Variants in SARDH observed in about 807,000 individuals in gnomAD.
SARDH encodes the protein sarcosine dehydrogenase.
Under a neutral mutation model 109.1 loss-of-function variants are expected in SARDH, and 95 were observed. That is an observed-to-expected ratio of 0.87 (90% CI 0.74 to 1.03). The LOEUF is 1.03. SARDH is among the 50% of genes least tolerant of loss of function. The pLI is 0.00. For synonymous variants in SARDH, 572 were observed against 534.8 expected (o/e 1.07, Z -0.96); for missense variants, 1,267 against 1,287.8 (o/e 0.98, Z 0.25).
At chr9:133,694,419 G>A in intron 14 of SARDH, 48 bp from the exon 15 acceptor site, 2 of 1,461,442 alleles carry the variant, frequency 1.4e-6, no homozygotes, top group South Asian at 1.2e-5. Context: ...CCCCAGCCGG[G>A]TCTGTGCTGC....
intron 6 of SARDH, chr9:133,725,696 A>C (rs1367473067): frequency 3.7e-6 from 1 of 269,308 alleles, no homozygotes; most frequent in Non-Finnish European, 7.5e-6. Context: ...AAACAAAACA[A>C]ACAAACAAAA....
At chr9:133,722,803 T>C (rs764068741) in intron 6 of SARDH, among the ~76,000 whole-genome samples, 1 of 151,968 alleles carries the variant, frequency 6.6e-6, no homozygotes, top group Non-Finnish European at 1.5e-5. Context: ...GCCTACCGAG[T>C]AGCTGGGACC....
intron 17 of SARDH, among the ~76,000 whole-genome samples, chr9:133,673,429 C>G (rs1359686016): frequency 6.6e-6 from 1 of 152,252 alleles, no homozygotes; most frequent in Non-Finnish European, 1.5e-5. Flanking sequence ...CACCACTGCT[C>G]TGAGTGGAAA....
intron 17 of SARDH, among the ~76,000 whole-genome samples, chr9:133,676,639 A>AAT (rs1338818325): frequency 6.6e-6 from 1 of 152,176 alleles, no homozygotes; most frequent in Admixed American, 6.5e-5. Flanking sequence ...AATGTGAGGG[A>AAT]ATGGCCCTGG....
At chr9:133,708,065 G>A (rs551775288) in intron 11 of SARDH, among the ~76,000 whole-genome samples, 10 of 152,146 alleles carry the variant, frequency 6.6e-5, no homozygotes, top group Non-Finnish European at 1.0e-4. Context: ...AGAAGCCCCC[G>A]GGTGGGAGGG....
intron 8 of SARDH, among the ~76,000 whole-genome samples, chr9:133,716,518 C>G (rs2427980): frequency 6.6e-6 from 1 of 151,696 alleles, no homozygotes; most frequent in South Asian, 2.1e-4. Flanking sequence ...AGCCCCACAC[C>G]CGCCCCCTGG....
At chr9:133,668,301 C>T (rs1830149841) in intron 19 of SARDH, among the ~76,000 whole-genome samples, 1 of 135,018 alleles carries the variant, frequency 7.4e-6, no homozygotes, top group African/African-American at 2.8e-5. Flanking sequence ...CTCCCTCCCT[C>T]TCCCTCCCTC....
intron 1 of SARDH, among the ~76,000 whole-genome samples, chr9:133,736,845 G>A (rs2131526321): frequency 6.6e-6 from 1 of 152,358 alleles, no homozygotes; most frequent in Middle Eastern, 3.4e-3. Flanking sequence ...GATCCAAGAT[G>A]TGAAGTGCTG....
intron 12 of SARDH, chr9:133,703,421 A>G: frequency 3.9e-6 from 1 of 254,334 alleles, no homozygotes; most frequent in Non-Finnish European, 7.9e-6. Context: ...AGCGTCTTAC[A>G]CTCCTACCAG....
intron 17 of SARDH, among the ~76,000 whole-genome samples, chr9:133,675,364 T>C (rs1388497143): frequency 3.0e-5 from 4 of 133,508 alleles, no homozygotes; most frequent in South Asian, 2.3e-4. Context: ...AAAAAAAAAA[T>C]AGGCAAGGGA....
intron 16 of SARDH, among the ~76,000 whole-genome samples, chr9:133,687,258 T>C (rs1830918740): frequency 6.6e-6 from 1 of 152,022 alleles, no homozygotes; most frequent in African/African-American, 2.4e-5. Flanking sequence ...CGCAAGGATA[T>C]TGGTTTTGGT....
chr9:133,734,164 G>C lies in SARDH; in HGVS notation c.10C>G (p.Leu4Val). 2 of 1,592,248 alleles carry C rather than the reference G, an allele frequency of 1.3e-6. No homozygotes were observed. The highest frequency in any genetic ancestry group is 1.7e-6 in the Non-Finnish European group (2 of 1,169,976). MAS[L>V]SRALRVAAAH... ...GCAGCCACACGTAGGGCTCGGCTCAGTGAGGCCATGGGGGCTCCAGGCCTC... is the reference window on the plus strand; with the variant it reads ...GCAGCCACACGTAGGGCTCGGCTCACTGAGGCCATGGGGGCTCCAGGCCTC... Residue 4 changes from leucine (L) to valine (V), a missense_variant, in exon 2 of 21, where the codon CTG (leucine) becomes GTG (valine). Leu to Val is a conservative substitution (Grantham distance 32, BLOSUM62 1). Coordinates refer to ENST00000439388, the MANE Select transcript of SARDH (RefSeq NM_001134707.2).
chr9:133,736,321 T>C (rs1588464369), intron 1 of SARDH, among the ~76,000 whole-genome samples: 2 of 152,380 alleles, frequency 1.3e-5, no homozygotes, highest in South Asian at 4.1e-4. Flanking sequence ...TCTTTTGCAA[T>C]AAATTGCTCT....
intron 18 of SARDH, 123 bp downstream of exon 18, chr9:133,671,412 A>G (rs963498383): frequency 7.8e-6 from 10 of 1,274,956 alleles, no homozygotes; most frequent in Non-Finnish European, 8.5e-6. Context: ...CATGGTGTGG[A>G]AAGAAGGAAG....
Position 133,670,420 on chromosome 9 carries a change from G to A in SARDH, c.2495+164C>T, listed in dbSNP as rs186287910. ...CCAGATGGCCTCTCTCTTTGGCCTC[G>A]ATTTCCTTATCTGCAGTGGGCTGTT... On this transcript the variant is annotated intron_variant, in intron 19 of 20. Transcript: ENST00000439388. Among the ~76,000 whole-genome samples, 512 of 152,158 alleles carry A rather than the reference G, an allele frequency of 3.4e-3. 5 individuals carry two copies. The highest frequency in any genetic ancestry group is 0.011 in the African/African-American group (469 of 41,512).
At chr9:133,690,339 C>A (rs766512805) in intron 16 of SARDH, 41 bp downstream of exon 16, 26 of 1,588,926 alleles carry the variant, frequency 1.6e-5, no homozygotes, top group Non-Finnish European at 2.1e-5. Flanking sequence ...TGGGTCCAGG[C>A]AGCAGGTGCA....
chr9:133,710,395 C>G (rs535983073), intron 10 of SARDH, among the ~76,000 whole-genome samples: 5 of 152,200 alleles, frequency 3.3e-5, no homozygotes, highest in Admixed American at 6.5e-5. Flanking sequence ...CCCTGGTGCC[C>G]GGTCAGCCCT....
chr9:133,737,802 C>A (rs1246161898), intron 1 of SARDH, among the ~76,000 whole-genome samples: 1 of 152,246 alleles, frequency 6.6e-6, no homozygotes, highest in East Asian at 1.9e-4. Context: ...CAGCTGCCTC[C>A]ACATTAACCC....
Position 133,705,029 on chromosome 9 carries a change from T to C in SARDH, c.1473A>G (p.Glu491=). Residue 491 remains glutamate, a splice_region_variant and synonymous_variant, in exon 12 of 21, where the codon GAA becomes GAG. Coordinates refer to ENST00000439388, the MANE Select transcript of SARDH (RefSeq NM_001134707.2). ...GGAACACGCAGCCTTGTCCAAGGAGTTCCTGAGCAGGAGTGGGGAACAGGC... is the reference window on the plus strand; with the variant it reads ...GGAACACGCAGCCTTGTCCAAGGAGCTCCTGAGCAGGAGTGGGGAACAGGC... ...RNMRRDPLHE[E]LLGQGCVFQE... is the part of the protein sequence containing the mutation. 1 of 1,589,092 alleles carries C rather than the reference T, an allele frequency of 6.3e-7. No individual in the cohort carries two copies. The highest frequency in any genetic ancestry group is 8.6e-7 in the Non-Finnish European group (1 of 1,168,640).
Sources: allele counts gnomAD v4.1 joint callset (sites outside exome capture counted in the v4.1 genomes callset), GRCh38; gene constraint gnomAD v4.1.1; transcripts MANE v1.5; gene names NCBI Gene and HGNC (gene_info 2026-07-23, HGNC 2026-07-21).